The following GLIS1 variants were observed in gnomAD, a reference collection of about 807,000 sequenced individuals.
The protein encoded by GLIS1 is zinc finger protein GLIS1.
GLIS1 carries 24 observed loss-of-function variants against 63.8 expected under a neutral mutation model. The observed-to-expected ratio is 0.38, with a 90% CI of 0.27 to 0.53. The LOEUF (loss-of-function observed/expected upper bound fraction) is 0.53. Ranked by LOEUF, GLIS1 falls within the 20% of genes least tolerant of loss-of-function variation. The pLI, the probability that GLIS1 is intolerant of heterozygous loss-of-function variation, is 0.85. For missense variants in GLIS1, 1,036 were observed against 1,074.1 expected (o/e 0.96, Z 0.50); for synonymous variants, 450 against 482.5 (o/e 0.93, Z 0.88).
At chr1:53,655,733 C>T (rs1645958552) in intron 2 of GLIS1, among the ~76,000 whole-genome samples, 1 of 152,166 alleles carries the variant, frequency 6.6e-6, no homozygotes, top group South Asian at 2.1e-4. Flanking sequence ...TTTCCCTTGC[C>T]TACATGGGGG....
intron 4 of GLIS1, among the ~76,000 whole-genome samples, chr1:53,540,850 C>T: frequency 6.6e-6 from 1 of 152,210 alleles, no homozygotes; most frequent in East Asian, 1.9e-4. Flanking sequence ...AGATTCTCCA[C>T]CCACTGCCTG....
chr1:53,633,119 T>C (rs1156670083), intron 2 of GLIS1, among the ~76,000 whole-genome samples: 1 of 127,070 alleles, frequency 7.9e-6, no homozygotes, highest in Non-Finnish European at 1.6e-5. Context: ...TGAGTGTGAC[T>C]GAGGGGCATG....
chr1:53,716,332 A>C (rs895427454), intron 2 of GLIS1, among the ~76,000 whole-genome samples: 8 of 152,128 alleles, frequency 5.3e-5, no homozygotes, highest in African/African-American at 1.7e-4. Flanking sequence ...GTGTAATTAT[A>C]ATGAACACTA....
intron 2 of GLIS1, among the ~76,000 whole-genome samples, chr1:53,635,832 A>G (rs1432512611): frequency 6.6e-6 from 1 of 152,224 alleles, no homozygotes; most frequent in Non-Finnish European, 1.5e-5. Flanking sequence ...CAAGCAAATA[A>G]TTTGTGAAAT....
At chr1:53,733,060 C>T (rs1239018470) in intron 2 of GLIS1, among the ~76,000 whole-genome samples, 2 of 152,216 alleles carry the variant, frequency 1.3e-5, no homozygotes, top group Non-Finnish European at 2.9e-5. Context: ...AGTTTCTCCC[C>T]TCTTCCAGGA....
At chr1:53,650,713 G>A (rs1012477743) in intron 2 of GLIS1, among the ~76,000 whole-genome samples, 1 of 152,184 alleles carries the variant, frequency 6.6e-6, no homozygotes, top group South Asian at 2.1e-4. Flanking sequence ...TTCAGCATGG[G>A]GAACAAAGGC....
chr1:53,686,547 C>A (rs1196550226), intron 2 of GLIS1, among the ~76,000 whole-genome samples: 1 of 152,202 alleles, frequency 6.6e-6, no homozygotes, highest in African/African-American at 2.4e-5. Flanking sequence ...ATCAGATCCT[C>A]TCCCTCTCCT....
At position 53,682,640 on chromosome 1, in the gene GLIS1, G is replaced by C. The variant is rs558962084; in HGVS notation, c.259+55166C>G. Among the ~76,000 whole-genome samples, 33 of 152,340 alleles carry C rather than the reference G, an allele frequency of 2.2e-4. No homozygotes were observed. In the East Asian group the frequency reaches 5.8e-3, roughly 27 times the overall value. On this transcript the variant is annotated intron_variant, in intron 2 of 10. Coordinates refer to ENST00000628545, the MANE Select transcript of GLIS1 (RefSeq NM_001367484.1). ...CAGGGGCAATAACGCAGAGCCAAGG[G>C]GCAGGCAAGGAGACAAAGGCTTAGG...
intron 2 of GLIS1, among the ~76,000 whole-genome samples, chr1:53,717,409 C>T (rs1192529602): frequency 1.3e-5 from 2 of 152,186 alleles, no homozygotes; most frequent in Non-Finnish European, 2.9e-5. Flanking sequence ...ACCTTTCTCA[C>T]CAAGCCATTG....
chr1:53,659,596 C>A (rs1646003958), intron 2 of GLIS1, among the ~76,000 whole-genome samples: 1 of 152,174 alleles, frequency 6.6e-6, no homozygotes, highest in South Asian at 2.1e-4. Flanking sequence ...AGGCCCTCCT[C>A]AGCAGACCCA....
Position 53,529,875 on chromosome 1 carries a change from C to G in GLIS1, c.1398G>C (p.Pro466=). ...IHLRSHTGEK[P]YLCQHPGCQK... is the part of the protein sequence containing the mutation. ...GGCAACCCGGGTGCTGGCACAGGTA[C>G]GGCTTCTCGCCCGTGTGGCTCCTCA... The change falls in exon 5 of 11, where the codon CCG becomes CCC. Residue 466 remains proline, a synonymous_variant. Coordinates refer to ENST00000628545, the MANE Select transcript of GLIS1 (RefSeq NM_001367484.1). 2 of 1,613,904 alleles carry G rather than the reference C, an allele frequency of 1.2e-6. No homozygotes were observed.
At chr1:53,579,958 C>T (rs1460070820) in intron 4 of GLIS1, among the ~76,000 whole-genome samples, 1 of 152,198 alleles carries the variant, frequency 6.6e-6, no homozygotes, top group East Asian at 1.9e-4. Context: ...CAATTGGACA[C>T]GGTTATCATT....
chr1:53,615,949 T>C (rs1645478130), intron 2 of GLIS1, among the ~76,000 whole-genome samples: 4 of 152,242 alleles, frequency 2.6e-5, no homozygotes, highest in South Asian at 4.1e-4. Context: ...GGTTTCAACA[T>C]GTTGCCCAGG....
At chr1:53,655,468 C>T (rs974900363) in intron 2 of GLIS1, among the ~76,000 whole-genome samples, 4 of 152,208 alleles carry the variant, frequency 2.6e-5, no homozygotes, top group African/African-American at 9.6e-5. Flanking sequence ...TCAGTTTCCT[C>T]ATTTGTAAAA....
At chr1:53,549,221 TATG>T (rs1480896496) in intron 4 of GLIS1, among the ~76,000 whole-genome samples, 2 of 152,260 alleles carry the variant, frequency 1.3e-5, no homozygotes, top group African/African-American at 4.8e-5. Context: ...CTTTGGCTAT[TATG>T]ATGAATGCTG....
chr1:53,734,502 G>A (rs1646894274), intron 2 of GLIS1, among the ~76,000 whole-genome samples: 1 of 152,228 alleles, frequency 6.6e-6, no homozygotes, highest in South Asian at 2.1e-4. Context: ...TTTGCAGCTG[G>A]AAGCCTGGAA....
At chr1:53,581,358 A>G (rs553232772) in intron 4 of GLIS1, among the ~76,000 whole-genome samples, 1 of 152,208 alleles carries the variant, frequency 6.6e-6, no homozygotes, top group East Asian at 1.9e-4. Flanking sequence ...TCATAGGACA[A>G]GAGTCCTGAC....
At chr1:53,694,855 C>T (rs1295853143) in intron 2 of GLIS1, among the ~76,000 whole-genome samples, 2 of 152,120 alleles carry the variant, frequency 1.3e-5, no homozygotes, top group African/African-American at 4.8e-5. Context: ...GGTACTGGTA[C>T]GGAAGGGTGG....
chr1:53,569,124 A>G (rs888149923), intron 4 of GLIS1, among the ~76,000 whole-genome samples: 10 of 152,252 alleles, frequency 6.6e-5, no homozygotes, highest in Non-Finnish European at 1.2e-4. Flanking sequence ...GGAGACAGTG[A>G]AAACATCGGT....
Sources: allele counts gnomAD v4.1 joint callset (sites outside exome capture counted in the v4.1 genomes callset), GRCh38; gene constraint gnomAD v4.1.1; transcripts MANE v1.5; gene names NCBI Gene and HGNC (gene_info 2026-07-23, HGNC 2026-07-21).